GTF2E2: variants seen among roughly 807,000 people sequenced by gnomAD.
GTF2E2 encodes transcription initiation factor IIE subunit beta.
GTF2E2 carries 21 observed loss-of-function variants against 40.5 expected under a neutral mutation model. That is an observed-to-expected ratio of 0.52 (90% CI 0.37 to 0.75). The LOEUF is 0.75. GTF2E2 is among the 30% of genes least tolerant of loss of function. The pLI is 0.00. For missense variants in GTF2E2, 298 were observed against 338.4 expected, an observed-to-expected ratio of 0.88 and a Z score of 0.94; for synonymous variants, 117 against 121.6, an observed-to-expected ratio of 0.96 and a Z score of 0.25.
At chr8:30,632,815 T>C (rs972327389) in intron 3 of GTF2E2, among the ~76,000 whole-genome samples, 2 of 152,194 alleles carry the variant, frequency 1.3e-5, no homozygotes. Flanking sequence ...CATTAACTAA[T>C]GGATGCTTGA....
chr8:30,624,916 G>C (rs1459723501), intron 3 of GTF2E2, among the ~76,000 whole-genome samples: 1 of 151,814 alleles, frequency 6.6e-6, no homozygotes, highest in Admixed American at 6.6e-5. Flanking sequence ...GGGCTGAGAT[G>C]ATGGGGTTTT....
intron 3 of GTF2E2, among the ~76,000 whole-genome samples, chr8:30,622,205 A>G (rs555738136): frequency 2.2e-5 from 3 of 134,328 alleles, no homozygotes; most frequent in African/African-American, 8.8e-5. Flanking sequence ...CCCAATAGTC[A>G]TGTAGGTTCT....
At chr8:30,653,726 C>T in intron 1 of GTF2E2, 124 bp from the exon 2 acceptor site, 1 of 661,098 alleles carries the variant, frequency 1.5e-6, no homozygotes. Flanking sequence ...TTCTCTAGCA[C>T]TTGCATTTAT....
chr8:30,589,674 A>C (rs1481486258), intron 6 of GTF2E2, among the ~76,000 whole-genome samples: 1 of 152,244 alleles, frequency 6.6e-6, no homozygotes, highest in African/African-American at 2.4e-5. Context: ...TCACTACCAC[A>C]GTATGACCTG....
intron 1 of GTF2E2, among the ~76,000 whole-genome samples, chr8:30,655,684 T>G (rs1454841518): frequency 1.3e-5 from 2 of 152,120 alleles, no homozygotes; most frequent in African/African-American, 2.4e-5. Flanking sequence ...TTTGAGAAAA[T>G]GGAAGCATTG....
intron 1 of GTF2E2, chr8:30,657,524 T>C (rs1802484154): frequency 1.3e-5 from 2 of 152,200 alleles, no homozygotes; most frequent in Admixed American, 6.5e-5. Flanking sequence ...CAGCGTTGTT[T>C]AGACTGCAGA....
chr8:30,601,122 T>C (rs1162435486), intron 6 of GTF2E2, among the ~76,000 whole-genome samples: 3 of 152,212 alleles, frequency 2.0e-5, no homozygotes, highest in Non-Finnish European at 2.9e-5. Context: ...TGGTGGTACC[T>C]TACCCAAGGT....
chr8:30,656,801 C>T (rs1467867623), intron 1 of GTF2E2: 2 of 119,430 alleles, frequency 1.7e-5, no homozygotes, highest in African/African-American at 6.8e-5. Context: ...GTGCGAGACT[C>T]CGTCTCAGAA....
intron 6 of GTF2E2, among the ~76,000 whole-genome samples, chr8:30,593,150 C>T (rs538990255): frequency 2.0e-5 from 3 of 152,166 alleles, no homozygotes; most frequent in Non-Finnish European, 4.4e-5. Context: ...GAGATCACAC[C>T]ATTGCACTCC....
intron 6 of GTF2E2, among the ~76,000 whole-genome samples, chr8:30,594,895 T>G (rs1828956614): frequency 6.6e-6 from 1 of 152,074 alleles, no homozygotes; most frequent in Non-Finnish European, 1.5e-5. Flanking sequence ...AGTCTTGCTT[T>G]TGCACCCAAG....
chr8:30,622,313 T>C (rs934998121), intron 3 of GTF2E2, among the ~76,000 whole-genome samples: 1 of 151,900 alleles, frequency 6.6e-6, no homozygotes, highest in African/African-American at 2.4e-5. Context: ...AGACATCACA[T>C]GTCAGTAGGT....
intron 3 of GTF2E2, among the ~76,000 whole-genome samples, chr8:30,618,968 T>C (rs1034543666): frequency 2.0e-5 from 3 of 152,184 alleles, no homozygotes; most frequent in Non-Finnish European, 4.4e-5. Context: ...CTTTGAGATG[T>C]AGTCTCGCCT....
Position 30,653,591 on chromosome 8 carries a change from G to C in GTF2E2, c.8C>G (p.Pro3Arg). ...CAGCTCCCTTTCTCTCAACAGGCTT[G>C]GATCCATAATGCTACAAAGAAAAAA... MD[P>R]SLLRERELFK... is the part of the protein sequence containing the mutation. Residue 3 changes from proline (P) to arginine (R), a missense_variant, in exon 2 of 8, where the codon CCA (proline) becomes CGA (arginine). Pro to Arg is a moderately radical substitution (Grantham distance 103). Coordinates refer to ENST00000355904, the MANE Select transcript of GTF2E2 (RefSeq NM_002095.6). 1 of 1,610,000 alleles carries C rather than the reference G, an allele frequency of 6.2e-7. No homozygotes were observed. The highest frequency in any genetic ancestry group is 8.5e-7 in the Non-Finnish European group (1 of 1,178,328).
At chr8:30,640,482 T>C (rs771546923) in intron 2 of GTF2E2, among the ~76,000 whole-genome samples, 5 of 151,828 alleles carry the variant, frequency 3.3e-5, no homozygotes, top group Non-Finnish European at 4.4e-5. Context: ...CTAAAACACA[T>C]ATGCTAAAAA....
At chr8:30,611,063 T>C (rs983581390) in intron 5 of GTF2E2, among the ~76,000 whole-genome samples, 11 of 152,350 alleles carry the variant, frequency 7.2e-5, no homozygotes, top group South Asian at 4.1e-4. Flanking sequence ...GAGAATATTA[T>C]GCTAAGTGAA....
chr8:30,627,820 A>G (rs996091165), intron 3 of GTF2E2, among the ~76,000 whole-genome samples: 1 of 152,254 alleles, frequency 6.6e-6, no homozygotes, highest in Admixed American at 6.5e-5. Context: ...GCTGAATTAC[A>G]AAGTACTTTC....
Position 30,590,140 on chromosome 8 carries a change from T to C in GTF2E2, c.644-9744A>G, listed in dbSNP as rs566285854. 2.2e-4 allele frequency among the ~76,000 whole-genome samples: 33 copies of C among 152,300 alleles called. No individual in the cohort carries two copies. In the East Asian group the frequency reaches 6.2e-3, roughly 29 times the overall value. ...ACGGGCAGCCCCTGATCTGTTTCTA[T>C]GGTTCTGTTTCCCAGGAATATCATA... On this transcript the variant is annotated intron_variant, in intron 6 of 7. Transcript: ENST00000355904.
intron 6 of GTF2E2, among the ~76,000 whole-genome samples, chr8:30,603,288 T>C (rs1194806905): frequency 1.3e-5 from 2 of 152,142 alleles, no homozygotes; most frequent in Non-Finnish European, 2.9e-5. Flanking sequence ...AATTATACCA[T>C]TTCCAAGTAA....
intron 2 of GTF2E2, among the ~76,000 whole-genome samples, chr8:30,640,102 T>C (rs1801760028): frequency 6.6e-6 from 1 of 152,330 alleles, no homozygotes; most frequent in East Asian, 1.9e-4. Flanking sequence ...AATATGTCTA[T>C]TGTTAGCACA....
Sources: allele counts gnomAD v4.1 joint callset (sites outside exome capture counted in the v4.1 genomes callset), GRCh38; gene constraint gnomAD v4.1.1; transcripts MANE v1.5; gene names NCBI Gene and HGNC (gene_info 2026-07-23, HGNC 2026-07-21).